Variants in DACH2 observed in about 807,000 individuals in gnomAD.
DACH2 encodes dachshund homolog 2.
In DACH2, 17 loss-of-function variants were observed where a neutral mutation model predicts 35.8. That is an observed-to-expected ratio of 0.48 (90% CI 0.33 to 0.71). The LOEUF (loss-of-function observed/expected upper bound fraction) is 0.71, where lower values mean the gene tolerates loss of function less well. Ranked by LOEUF, DACH2 falls within the 30% of genes least tolerant of loss-of-function variation. DACH2 has a pLI of 0.02. For synonymous variants in DACH2, 195 were observed against 177.3 expected, an observed-to-expected ratio of 1.10 and a Z score of -0.79; for missense variants, 469 against 472.7, an observed-to-expected ratio of 0.99 and a Z score of 0.07.
At chrX:86,416,053 G>C (rs770185689) in intron 2 of DACH2, among the ~76,000 whole-genome samples, 1 of 111,464 alleles carries the variant, frequency 9.0e-6, no homozygotes, top group Non-Finnish European at 1.9e-5. Flanking sequence ...AAGAGGTAGG[G>C]GACCAAAATG....
intron 11 of DACH2, chrX:86,827,695 C>A (rs762617018): frequency 2.2e-6 from 2 of 928,625 alleles, no homozygotes; most frequent in Admixed American, 5.2e-5. Context: ...CAGTGAAGTG[C>A]ATTGAGTAGA....
chrX:86,628,388 A>C lies in DACH2; in HGVS notation c.641-22648A>C, dbSNP rs181164637. Among the ~76,000 whole-genome samples the C allele has an allele frequency of 2.7e-5, 3 of 112,097 alleles. No individual in the cohort carries two copies. In the East Asian group the frequency reaches 8.5e-4, roughly 32 times the overall value. On this transcript the variant is annotated intron_variant, in intron 3 of 11. Coordinates refer to ENST00000373125, the MANE Select transcript of DACH2 (RefSeq NM_053281.3). ...GATAAAGTGACTCAGATAGGCATACAGGTAGCTATAGATAAATGCAGTTTT... is the reference window on the plus strand; with the variant it reads ...GATAAAGTGACTCAGATAGGCATACCGGTAGCTATAGATAAATGCAGTTTT...
intron 7 of DACH2, among the ~76,000 whole-genome samples, chrX:86,777,574 A>G (rs767100552): frequency 3.4e-4 from 38 of 111,652 alleles, no homozygotes; most frequent in Admixed American, 2.0e-3. Flanking sequence ...TGAGAATACA[A>G]ATAACTATAC....
intron 2 of DACH2, among the ~76,000 whole-genome samples, chrX:86,394,227 G>T (rs1201861613): frequency 2.7e-5 from 3 of 109,497 alleles, no homozygotes; most frequent in Non-Finnish European, 5.7e-5. Flanking sequence ...TAAGACTCTG[G>T]CTTACTCATC....
intron 2 of DACH2, among the ~76,000 whole-genome samples, chrX:86,422,404 G>A (rs776710392): frequency 2.7e-5 from 3 of 110,801 alleles, no homozygotes; most frequent in African/African-American, 6.5e-5. Flanking sequence ...GTTGATAATA[G>A]CATTGCCAAT....
At chrX:86,594,828 A>T (rs1328612518) in intron 3 of DACH2, among the ~76,000 whole-genome samples, 1 of 111,789 alleles carries the variant, frequency 8.9e-6, no homozygotes, top group East Asian at 2.8e-4. Context: ...TTCTGTCCTA[A>T]GATATTTTCT....
chrX:86,689,450 A>AG (rs145072126), intron 4 of DACH2, among the ~76,000 whole-genome samples: 214 of 9,825 alleles, frequency 0.022, 1 homozygote, highest in African/African-American at 0.2. Flanking sequence ...TATTATTTAC[A>AG]AAAAATGAAG....
intron 2 of DACH2, among the ~76,000 whole-genome samples, chrX:86,501,081 C>T (rs1394618115): frequency 8.9e-6 from 1 of 112,068 alleles, no homozygotes; most frequent in East Asian, 2.8e-4. Flanking sequence ...TTATCTTCTT[C>T]GTCAACCTTC....
chrX:86,832,256 G>A lies in DACH2; in HGVS notation c.*101G>A. 1.5e-6 allele frequency: 1 copy of A among 678,478 alleles called. No homozygotes were observed. The highest frequency in any genetic ancestry group is 2.3e-6 in the Non-Finnish European group (1 of 440,269). 55.9% of individuals were successfully genotyped at this position (678,478 alleles called of 1,213,427 possible). ...TATTTCAGTTTTGTTTATCAGCAAA[G>A]CTTTGTTTACTGAAGGAGCTATTTA... On this transcript the variant is annotated 3_prime_UTR_variant, in exon 12 of 12. Transcript: ENST00000373125.
At chrX:86,204,856 G>T (rs916302316) in intron 1 of DACH2, among the ~76,000 whole-genome samples, 10 of 111,612 alleles carry the variant, frequency 9.0e-5, no homozygotes, top group African/African-American at 3.3e-4. Flanking sequence ...CTAAAGCAAG[G>T]CACATCAAAT....
chrX:86,246,417 G>C (rs1271434681), intron 1 of DACH2, among the ~76,000 whole-genome samples: 1 of 111,248 alleles, frequency 9.0e-6, no homozygotes, highest in African/African-American at 3.3e-5. Context: ...CAGCTAGAGA[G>C]AAGGGGCAGG....
chrX:86,295,790 G>C (rs1305218945), intron 1 of DACH2, among the ~76,000 whole-genome samples: 2 of 110,700 alleles, frequency 1.8e-5, no homozygotes, highest in African/African-American at 6.6e-5. Context: ...AAAGACAGAG[G>C]AGCCAGGGGG....
At chrX:86,297,428 A>G (rs1055434966) in intron 1 of DACH2, among the ~76,000 whole-genome samples, 1 of 112,073 alleles carries the variant, frequency 8.9e-6, no homozygotes, top group Non-Finnish European at 1.9e-5. Context: ...CAACCCCATC[A>G]TAGGAGGTTA....
At chrX:86,302,764 T>G (rs779778089) in intron 1 of DACH2, among the ~76,000 whole-genome samples, 2 of 110,414 alleles carry the variant, frequency 1.8e-5, no homozygotes, top group African/African-American at 3.3e-5. Context: ...TGTTTTTTCC[T>G]CAAAGGAAAG....
At position 86,695,071 on chromosome X, in the gene DACH2, G is replaced by A; in HGVS notation, c.823G>A (p.Ala275Thr). ...AGATAAGATGCAGTCTCCATTTGCT[G>A]CACCTGGACCCCAACATGGAATTGC... ...DKDKMQSPFA[A>T]PGPQHGIAHA... Residue 275 changes from alanine to threonine, a missense_variant, in exon 5 of 12, where the codon GCA (alanine) becomes ACA (threonine). Ala to Thr is a moderately conservative substitution (Grantham distance 58). Transcript: ENST00000373125. 1.7e-6 allele frequency: 2 copies of A among 1,145,410 alleles called. No homozygotes were observed. Among genetic ancestry groups the A allele is most frequent in the Non-Finnish European group, 2.3e-6 (2 of 860,734 alleles). 94.4% of individuals were successfully genotyped at this position (1,145,410 alleles called of 1,213,427 possible).
chrX:86,743,482 A>G (rs985953371), intron 7 of DACH2, among the ~76,000 whole-genome samples: 1 of 111,529 alleles, frequency 9.0e-6, no homozygotes, highest in African/African-American at 3.2e-5. Context: ...CATGTAATTT[A>G]TCAGATCATC....
chrX:86,217,591 A>G (rs937408498), intron 1 of DACH2, among the ~76,000 whole-genome samples: 47 of 111,878 alleles, frequency 4.2e-4, no homozygotes, highest in African/African-American at 1.5e-3. Context: ...TAATATACAT[A>G]TAAAATGCAT....
At chrX:86,399,964 C>A (rs1294640042) in intron 2 of DACH2, among the ~76,000 whole-genome samples, 1 of 111,866 alleles carries the variant, frequency 8.9e-6, no homozygotes, top group Non-Finnish European at 1.9e-5. Flanking sequence ...TGGATAATAT[C>A]CTGCAGAGTG....
intron 3 of DACH2, among the ~76,000 whole-genome samples, chrX:86,631,718 C>T (rs2040202932): frequency 8.9e-6 from 1 of 111,903 alleles, no homozygotes; most frequent in Non-Finnish European, 1.9e-5. Context: ...ACAGTATTGA[C>T]AGAAAACATT....
Sources: allele counts gnomAD v4.1 joint callset (sites outside exome capture counted in the v4.1 genomes callset), GRCh38; gene constraint gnomAD v4.1.1; transcripts MANE v1.5; gene names NCBI Gene and HGNC (gene_info 2026-07-23, HGNC 2026-07-21).